Variants in FTCDNL1 observed in about 807,000 individuals in gnomAD.
FTCDNL1 encodes the protein formiminotransferase cyclodeaminase N-terminal like.
Under a neutral mutation model 5.9 loss-of-function variants are expected in FTCDNL1, and 11 were observed. That is an observed-to-expected ratio of 1.87 (90% CI 1.18 to 3.10). The LOEUF (loss-of-function observed/expected upper bound fraction) is 3.10, where lower values mean the gene tolerates loss of function less well. Ranked by LOEUF, FTCDNL1 falls within the 30% of genes most tolerant of loss-of-function variation. FTCDNL1 has a pLI of 0.00. For missense variants in FTCDNL1, 115 were observed against 65.5 expected, an observed-to-expected ratio of 1.76 and a Z score of -2.61; for synonymous variants, 58 against 24.8, an observed-to-expected ratio of 2.34 and a Z score of -3.99.
chr2:199,673,327 C>CAAAAAAAAAAAAAAAAAAAAAA, the FTCDNL1 span, among the ~76,000 whole-genome samples: 1 of 69,792 alleles, frequency 1.4e-5, no homozygotes, highest in Non-Finnish European at 2.6e-5. Context: ...GACTCTGTCT[C>CAAAAAAAAAAAAAAAAAAAAAA]AAAAAAAAAA....
the FTCDNL1 span, among the ~76,000 whole-genome samples, chr2:199,684,444 C>A: frequency 6.6e-6 from 1 of 152,106 alleles, no homozygotes; most frequent in Non-Finnish European, 1.5e-5. Flanking sequence ...AATTTACCCC[C>A]AAGTATGTAA....
At chr2:199,739,024 A>G in the FTCDNL1 span, among the ~76,000 whole-genome samples, 33 of 152,358 alleles carry the variant, frequency 2.2e-4, no homozygotes, top group East Asian at 5.8e-3. Context: ...CCCAAATTGT[A>G]TGGGGAAATT....
At chr2:199,759,055 A>G (rs767979049), downstream of FTCDNL1, among the ~76,000 whole-genome samples, 4 of 152,160 alleles carry the variant, frequency 2.6e-5, no homozygotes, top group Non-Finnish European at 5.9e-5. Flanking sequence ...ACAAAGCCAT[A>G]CATTTCTAAA....
intron 3 of FTCDNL1, among the ~76,000 whole-genome samples, chr2:199,823,053 T>G (rs999003135): frequency 6.6e-6 from 1 of 152,206 alleles, no homozygotes; most frequent in African/African-American, 2.4e-5. Flanking sequence ...TTTCACTATG[T>G]TGGCCAGGTT....
In FTCDNL1 at chr2:199,809,283, G is replaced by C. The variant is rs1700899719; in HGVS notation, c.*3422C>G. ...AACTTTTTTTTTTCTAATAGAGATA[G>C]TCTCACTACATTGACCAAGCTGGTC... On this transcript the variant is annotated 3_prime_UTR_variant, in exon 5 of 5. Transcript: ENST00000420128. 6.8e-6 allele frequency among the ~76,000 whole-genome samples: 1 copy of C among 148,026 alleles called. No homozygotes were observed. Among genetic ancestry groups the C allele is most frequent in the Non-Finnish European group, 1.5e-5 (1 of 67,548 alleles).
At chr2:199,714,023 G>A in the FTCDNL1 span, among the ~76,000 whole-genome samples, 2 of 152,132 alleles carry the variant, frequency 1.3e-5, no homozygotes, top group East Asian at 3.8e-4. Flanking sequence ...GATTGGCTTT[G>A]GACATCAGAA....
intron 4 of FTCDNL1, 86 bp downstream of exon 4, chr2:199,819,486 T>A: frequency 1.5e-6 from 1 of 665,722 alleles, no homozygotes; most frequent in Non-Finnish European, 2.7e-6. Context: ...TAACTCTTCC[T>A]GCATTAACAG....
At chr2:199,740,752 A>G in the FTCDNL1 span, among the ~76,000 whole-genome samples, 1 of 152,246 alleles carries the variant, frequency 6.6e-6, no homozygotes, top group East Asian at 1.9e-4. Context: ...TGTTGAGGGG[A>G]GTCTGGAAAC....
chr2:199,819,622 G>A lies in FTCDNL1; in HGVS notation c.347C>T (p.Ala116Val), dbSNP rs1352239550. ...LGWFTRRDFSALQPDLGAAPS... is the reference protein window; with the variant it reads ...LGWFTRRDFSVLQPDLGAAPS... ...GGCAGCTCCCAGGTCAGGCTGAAGAGCACTGAAATCCCTCCTCGTGAACCA... is the reference window on the plus strand; with the variant it reads ...GGCAGCTCCCAGGTCAGGCTGAAGAACACTGAAATCCCTCCTCGTGAACCA... The change falls in exon 4 of 5, where the codon GCT becomes GTT. Residue 116 changes from alanine to valine, a missense_variant. Ala to Val is a moderately conservative substitution (Grantham distance 64). Coordinates refer to ENST00000420128, the MANE Select transcript of FTCDNL1 (RefSeq NM_001363886.2). The A allele has an allele frequency of 1.4e-6, 1 of 701,968 alleles. No individual in the cohort carries two copies. The highest frequency in any genetic ancestry group is 1.7e-5 in the African/African-American group (1 of 57,166). 43.5% of individuals were successfully genotyped at this position (701,968 alleles called of 1,614,324 possible).
At chr2:199,776,927 T>TATATACAC (rs745763683) in intron 3 of FTCDNL1, among the ~76,000 whole-genome samples, 8 of 147,550 alleles carry the variant, frequency 5.4e-5, no homozygotes, top group Non-Finnish European at 1.0e-4. Context: ...TATATATATA[T>TATATACAC]ACACACACAC....
At chr2:199,743,373 A>C in the FTCDNL1 span, among the ~76,000 whole-genome samples, 1 of 152,232 alleles carries the variant, frequency 6.6e-6, no homozygotes, top group Non-Finnish European at 1.5e-5. Flanking sequence ...CTTATGTGAA[A>C]TTGTATATTC....
chr2:199,831,758 T>C (rs577187192), intron 3 of FTCDNL1, among the ~76,000 whole-genome samples: 1 of 152,324 alleles, frequency 6.6e-6, no homozygotes, highest in Admixed American at 6.5e-5. Flanking sequence ...TTAACTGTAG[T>C]ACTCGAAATT....
At chr2:199,824,593 T>C (rs1701904410) in intron 3 of FTCDNL1, among the ~76,000 whole-genome samples, 1 of 152,210 alleles carries the variant, frequency 6.6e-6, no homozygotes, top group African/African-American at 2.4e-5. Flanking sequence ...TCTAGCTTTT[T>C]ATTTAAAATA....
the FTCDNL1 span, among the ~76,000 whole-genome samples, chr2:199,713,350 G>A: frequency 6.6e-6 from 1 of 152,060 alleles, no homozygotes; most frequent in African/African-American, 2.4e-5. Flanking sequence ...AAGGAACAAA[G>A]GACAATGATC....
rs116753703 is a variant in FTCDNL1 at position 199,835,053 on chromosome 2, C to T, written c.211+11022G>A. Among the ~76,000 whole-genome samples, 319 of 152,238 alleles carry T rather than the reference C, an allele frequency of 2.1e-3. 1 individual carries two copies. The highest frequency in any genetic ancestry group is 7.5e-3 in the African/African-American group (310 of 41,542). ...ATTAGCTGGACATGGTGATACATGC[C>T]TGTAGTCCTAGCTATTCAGGAGTCT... On this transcript the variant is annotated intron_variant, in intron 3 of 4. Coordinates refer to ENST00000420128, the MANE Select transcript of FTCDNL1 (RefSeq NM_001363886.2).
chr2:199,823,575 A>G (rs370323439), intron 3 of FTCDNL1, among the ~76,000 whole-genome samples: 1 of 152,222 alleles, frequency 6.6e-6, no homozygotes, highest in East Asian at 1.9e-4. Flanking sequence ...GTACATCTCC[A>G]TCAGAGCTCT....
At chr2:199,730,507 C>A in the FTCDNL1 span, among the ~76,000 whole-genome samples, 1 of 152,056 alleles carries the variant, frequency 6.6e-6, no homozygotes, top group South Asian at 2.1e-4. Context: ...AAAAAACAAA[C>A]AACCCCATCA....
the FTCDNL1 span, among the ~76,000 whole-genome samples, chr2:199,676,983 T>G: frequency 3.9e-5 from 6 of 152,198 alleles, no homozygotes; most frequent in Non-Finnish European, 8.8e-5. Context: ...TTCTTGTTTA[T>G]GAAGCTTTAA....
At chr2:199,788,049 T>A (rs1444602329) in intron 3 of FTCDNL1, among the ~76,000 whole-genome samples, 1 of 152,210 alleles carries the variant, frequency 6.6e-6, no homozygotes, top group Non-Finnish European at 1.5e-5. Flanking sequence ...GCAATGTGAA[T>A]ATGAGCTTGC....
Sources: allele counts gnomAD v4.1 joint callset (sites outside exome capture counted in the v4.1 genomes callset), GRCh38; gene constraint gnomAD v4.1.1; transcripts MANE v1.5; gene names NCBI Gene and HGNC (gene_info 2026-07-23, HGNC 2026-07-21).